SYNPR: variants seen among roughly 807,000 people sequenced by gnomAD.
SYNPR encodes the protein synaptoporin.
In SYNPR, 23 loss-of-function variants were observed where a neutral mutation model predicts 32.9. The ratio of observed to expected loss-of-function variants is 0.70; its 90% CI spans 0.50 to 0.99. The LOEUF (loss-of-function observed/expected upper bound fraction) is 0.99. Ranked by LOEUF, SYNPR falls within the 50% of genes least tolerant of loss-of-function variation. The pLI, the probability that SYNPR is intolerant of heterozygous loss-of-function variation, is 0.00. For missense variants in SYNPR, 318 were observed against 349.3 expected, an observed-to-expected ratio of 0.91 and a Z score of 0.71; for synonymous variants, 146 against 135.9, an observed-to-expected ratio of 1.07 and a Z score of -0.52.
At chr3:63,601,689 T>C (rs538392863) in intron 4 of SYNPR, among the ~76,000 whole-genome samples, 4 of 152,252 alleles carry the variant, frequency 2.6e-5, no homozygotes, top group Admixed American at 2.6e-4. Flanking sequence ...CATTCTTTTT[T>C]TATGGCTGTA....
intron 2 of SYNPR, among the ~76,000 whole-genome samples, chr3:63,413,035 T>C (rs2088488561): frequency 6.6e-6 from 1 of 152,212 alleles, no homozygotes; most frequent in African/African-American, 2.4e-5. Context: ...CATTATCTTA[T>C]CTCATTTGAA....
chr3:63,505,965 C>T (rs1420060694), intron 3 of SYNPR, among the ~76,000 whole-genome samples: 6 of 152,034 alleles, frequency 3.9e-5, no homozygotes, highest in South Asian at 4.2e-4. Context: ...AACCTCTACC[C>T]GCCGATAAAT....
chr3:63,247,939 A>G (rs1332639770), intron 1 of SYNPR, among the ~76,000 whole-genome samples: 2 of 152,124 alleles, frequency 1.3e-5, no homozygotes, highest in Non-Finnish European at 2.9e-5. Context: ...GTGATGCCTC[A>G]TATGGTGTCT....
intron 3 of SYNPR, among the ~76,000 whole-genome samples, chr3:63,534,120 A>G (rs1248929261): frequency 6.6e-6 from 1 of 152,200 alleles, no homozygotes; most frequent in Admixed American, 6.5e-5. Flanking sequence ...TAGCTTGTCC[A>G]CCATTGATGT....
At position 63,603,972 on chromosome 3, in the gene SYNPR, T is replaced by C. The variant is rs566859491; in HGVS notation, c.409-5153T>C. Among the ~76,000 whole-genome samples the C allele has an allele frequency of 4.6e-5, 7 of 152,326 alleles. No homozygotes were observed. The South Asian group carries it at 1.0e-3, about 23-fold the overall frequency. On this transcript the variant is annotated intron_variant, in intron 4 of 5. Transcript: ENST00000478300. ...GGTAGAGTTTGGCTGTGATTCCATC[T>C]GGTCCTGGGCTTTTACTGATTGGCA... is the stretch of plus-strand genomic sequence containing the variant.
intron 4 of SYNPR, among the ~76,000 whole-genome samples, chr3:63,563,974 G>GAAAA (rs56364011): frequency 6.8e-6 from 1 of 146,000 alleles, no homozygotes; most frequent in Non-Finnish European, 1.5e-5. Context: ...CTCAAATATG[G>GAAAA]AAAAAAAAAA....
At chr3:63,463,096 G>A (rs565463486) in intron 2 of SYNPR, among the ~76,000 whole-genome samples, 16 of 152,288 alleles carry the variant, frequency 1.1e-4, no homozygotes, top group Admixed American at 9.2e-4. Flanking sequence ...GCCACCCATA[G>A]TTACTGAGGT....
In SYNPR at chr3:63,467,449, G is replaced by A. The variant is rs74652968; in HGVS notation, c.85-13383G>A. ...CCTTTTGGTATAGTTATAAACTCAT[G>A]AATTTAAACTATCTTTATCTGTGTG... On this transcript the variant is annotated intron_variant, in intron 2 of 5. Transcript: ENST00000478300. Among the ~76,000 whole-genome samples the A allele has an allele frequency of 8.3e-3, 1,268 of 152,256 alleles. 52 individuals carry two copies. In the East Asian group the frequency reaches 0.13, roughly 16 times the overall value.
In SYNPR at chr3:63,591,540, A is replaced by G. The variant is rs1699826840; in HGVS notation, c.409-17585A>G. ...ATTGCAGCATTATTCACAATAGCAAAGACTTGGAACCAACCCAAATGTCCA... is the reference window on the plus strand; with the variant it reads ...ATTGCAGCATTATTCACAATAGCAAGGACTTGGAACCAACCCAAATGTCCA... On this transcript the variant is annotated intron_variant, in intron 4 of 5. Transcript: ENST00000478300. Among the ~76,000 whole-genome samples the G allele has an allele frequency of 3.2e-5, 4 of 125,896 alleles. No individual in the cohort carries two copies. The South Asian group carries it at 1.3e-3, about 42-fold the overall frequency. 82.6% of individuals were successfully genotyped at this position (125,896 alleles called of 152,430 possible).
intron 2 of SYNPR, among the ~76,000 whole-genome samples, chr3:63,446,514 A>C (rs1700279516): frequency 6.6e-6 from 1 of 152,140 alleles, no homozygotes; most frequent in African/African-American, 2.4e-5. Context: ...AATAAAATTC[A>C]GATGGATTTT....
intron 1 of SYNPR, chr3:63,252,416 A>G (rs2086340353): frequency 1.3e-5 from 2 of 152,222 alleles, no homozygotes; most frequent in South Asian, 4.1e-4. Flanking sequence ...TTCAGAATAA[A>G]GGATGAAAAC....
intron 1 of SYNPR, among the ~76,000 whole-genome samples, chr3:63,230,998 G>T (rs1001705911): frequency 2.0e-5 from 3 of 151,944 alleles, no homozygotes; most frequent in Non-Finnish European, 4.4e-5. Context: ...GCACTACTAG[G>T]TACCTACCCA....
intron 2 of SYNPR, among the ~76,000 whole-genome samples, chr3:63,319,566 C>G (rs1014825410): frequency 7.2e-5 from 11 of 151,748 alleles, no homozygotes; most frequent in Admixed American, 2.0e-4. Flanking sequence ...AAACTTAACT[C>G]ACAAAGTTAA....
intron 3 of SYNPR, among the ~76,000 whole-genome samples, chr3:63,531,186 G>A (rs1702107035): frequency 6.6e-6 from 1 of 152,148 alleles, no homozygotes; most frequent in African/African-American, 2.4e-5. Context: ...GTAGTTTTAT[G>A]CAAATGTATT....
chr3:63,492,304 TCA>T, intron 3 of SYNPR, among the ~76,000 whole-genome samples: 1 of 152,200 alleles, frequency 6.6e-6, no homozygotes, highest in South Asian at 2.1e-4. Flanking sequence ...TTGCTGAACC[TCA>T]GTTTCCTACA....
chr3:63,234,650 G>C lies in SYNPR; in HGVS notation n.66+6270G>C, dbSNP rs544984997. Among the ~76,000 whole-genome samples the C allele has an allele frequency of 4.4e-4, 67 of 152,288 alleles. 1 individual carries two copies. The highest frequency in any genetic ancestry group is 1.5e-3 in the Admixed American group (23 of 15,296). ...CCCTGTGTGGAAATGAAAAATGAAA[G>C]AAGTAGACTTTCTAAGCTCCAAAAT... is the stretch of plus-strand genomic sequence containing the variant. On this transcript the variant is annotated intron_variant and non_coding_transcript_variant, in intron 1 of 4. Coordinates refer to the SYNPR transcript ENST00000478456.
intron 3 of SYNPR, among the ~76,000 whole-genome samples, chr3:63,495,657 T>C (rs901799083): frequency 1.3e-5 from 2 of 152,204 alleles, no homozygotes; most frequent in Admixed American, 6.5e-5. Context: ...TTTTCTGTTG[T>C]TTATAACCAC....
Position 63,232,262 on chromosome 3 carries a change from C to T in SYNPR, n.66+3882C>T, listed in dbSNP as rs1472427880. On this transcript the variant is annotated intron_variant and non_coding_transcript_variant, in intron 1 of 4. Transcript: ENST00000478456. ...TGTTGTCCAGGCTGGAGTGCAATGG[C>T]GTGATCTTGGCTCACTGCAACCTCC... 5.8e-5 allele frequency among the ~76,000 whole-genome samples: 7 copies of T among 120,422 alleles called. 1 individual carries two copies. The South Asian group carries it at 1.7e-3, about 30-fold the overall frequency. The allele number at this position is 120,422 out of a possible 152,430, so 79.0% of individuals were successfully genotyped here. A position where few individuals can be genotyped will look rare whatever the true frequency, so the allele number is the denominator to read the frequency against.
At chr3:63,481,623 G>T (rs1407166460) in intron 3 of SYNPR, among the ~76,000 whole-genome samples, 1 of 152,202 alleles carries the variant, frequency 6.6e-6, no homozygotes. Flanking sequence ...TGCTCAAGTA[G>T]ATACTCTCCT....
Sources: gnomAD v4.1 joint callset for allele counts (sites outside exome capture counted in the v4.1 genomes callset) on GRCh38, gnomAD v4.1.1 for gene constraint, MANE v1.5 for transcripts, NCBI Gene and HGNC (gene_info 2026-07-23, HGNC 2026-07-21) for gene names.